Variants in LRP1B observed in about 807,000 individuals in gnomAD.
LRP1B encodes LDL receptor related protein 1B, also known as low-density lipoprotein receptor-related protein 1B.
Under a neutral mutation model 556.6 loss-of-function variants are expected in LRP1B, and 217 were observed. The ratio of observed to expected loss-of-function variants is 0.39; its 90% CI spans 0.35 to 0.44. LRP1B has a LOEUF of 0.44. Ranked by LOEUF, LRP1B falls within the 20% of genes least tolerant of loss-of-function variation. The pLI is 1.00. For missense variants in LRP1B, 5,053 were observed against 5,620.8 expected (o/e 0.90, Z 3.23); for synonymous variants, 2,047 against 1,865.8 (o/e 1.10, Z -2.50).
At chr2:141,853,366 T>C (rs1334772846) in intron 1 of LRP1B, among the ~76,000 whole-genome samples, 3 of 151,720 alleles carry the variant, frequency 2.0e-5, no homozygotes, top group African/African-American at 7.3e-5. Context: ...ATATGTACTT[T>C]AATTGTGAAA....
At chr2:140,967,841 G>A (rs1419922487) in intron 18 of LRP1B, among the ~76,000 whole-genome samples, 1 of 151,856 alleles carries the variant, frequency 6.6e-6, no homozygotes, top group Non-Finnish European at 1.5e-5. Context: ...GCTGGATTAT[G>A]TTTATTGATT....
intron 2 of LRP1B, among the ~76,000 whole-genome samples, chr2:141,739,275 GC>G (rs1693607961): frequency 6.6e-6 from 1 of 152,036 alleles, no homozygotes; most frequent in Non-Finnish European, 1.5e-5. Context: ...GCAGTACAGT[GC>G]TTACTCTACT....
chr2:141,299,540 T>G (rs1256996618), intron 3 of LRP1B, among the ~76,000 whole-genome samples: 2 of 152,224 alleles, frequency 1.3e-5, no homozygotes, highest in African/African-American at 4.8e-5. Flanking sequence ...AGAGCAAAAT[T>G]TCCATTTAGT....
At chr2:140,549,591 A>C (rs1350282042) in intron 43 of LRP1B, among the ~76,000 whole-genome samples, 2 of 152,182 alleles carry the variant, frequency 1.3e-5, no homozygotes, top group Non-Finnish European at 2.9e-5. Flanking sequence ...GAAGGACAGG[A>C]GCAAAGTAAA....
chr2:141,984,575 A>T (rs951959525), intron 1 of LRP1B, among the ~76,000 whole-genome samples: 2 of 152,106 alleles, frequency 1.3e-5, no homozygotes, highest in African/African-American at 4.8e-5. Context: ...CTGTGTCCCT[A>T]TTAGATTTTT....
intron 2 of LRP1B, among the ~76,000 whole-genome samples, chr2:141,760,198 CA>C (rs1694487232): frequency 6.6e-6 from 1 of 151,922 alleles, no homozygotes; most frequent in Admixed American, 6.6e-5. Flanking sequence ...AATTGATAAC[CA>C]AAACTGGAAA....
intron 66 of LRP1B, among the ~76,000 whole-genome samples, chr2:140,411,283 A>C (rs1191907440): frequency 1.3e-5 from 2 of 152,142 alleles, no homozygotes; most frequent in African/African-American, 4.8e-5. Flanking sequence ...GCTTTAGTTA[A>C]CAGTATATTG....
chr2:141,735,255 G>A (rs908241179), intron 2 of LRP1B, among the ~76,000 whole-genome samples: 1 of 151,778 alleles, frequency 6.6e-6, no homozygotes, highest in African/African-American at 2.4e-5. Flanking sequence ...TCAGAAGAAG[G>A]GGTGTGGAAA....
intron 2 of LRP1B, among the ~76,000 whole-genome samples, chr2:141,577,240 A>G (rs943270063): frequency 1.3e-5 from 2 of 152,166 alleles, no homozygotes; most frequent in African/African-American, 4.8e-5. Flanking sequence ...AAAACATCCT[A>G]GAAGAATGAC....
chr2:141,544,315 TCTTCTTCTTCTTC>T (rs1421928023), intron 2 of LRP1B, among the ~76,000 whole-genome samples: 1 of 29,110 alleles, frequency 3.4e-5, no homozygotes, highest in Non-Finnish European at 5.6e-5. Flanking sequence ...TTCTTCTTCT[TCTTCTTCTTCTTC>T]TTCTTCTTCT....
chr2:141,877,217 A>G (rs1698794865), intron 1 of LRP1B, among the ~76,000 whole-genome samples: 1 of 151,912 alleles, frequency 6.6e-6, no homozygotes, highest in Non-Finnish European at 1.5e-5. Context: ...CCTATAAAGA[A>G]TTTCCTGAAC....
rs147874550 is a variant in LRP1B, at chr2:140,660,080, T to C, written c.6799+40170A>G. Among the ~76,000 whole-genome samples, 937 of 152,142 alleles carry C rather than the reference T, an allele frequency of 6.2e-3. 4 individuals are homozygous for C. Among genetic ancestry groups the C allele is most frequent in the Non-Finnish European group, 9.7e-3 (661 of 67,910 alleles). On this transcript the variant is annotated intron_variant, in intron 41 of 90. Coordinates refer to ENST00000389484, the MANE Select transcript of LRP1B (RefSeq NM_018557.3). ...CATGCTTATAGTGTTTTTCAAAAAG[T>C]GTATATTATTAGAAATCCCTTACAA...
intron 1 of LRP1B, among the ~76,000 whole-genome samples, chr2:141,987,033 C>T (rs1295011604): frequency 6.6e-6 from 1 of 151,980 alleles, no homozygotes; most frequent in Admixed American, 6.6e-5. Context: ...TTAATTACTT[C>T]ATGAGTTATA....
chr2:140,750,099 C>T (rs898952575), intron 35 of LRP1B, among the ~76,000 whole-genome samples: 1 of 151,548 alleles, frequency 6.6e-6, no homozygotes, highest in Non-Finnish European at 1.5e-5. Flanking sequence ...CACACACACA[C>T]ACACACACAC....
intron 2 of LRP1B, among the ~76,000 whole-genome samples, chr2:141,759,373 T>C (rs975685548): frequency 6.6e-6 from 1 of 152,126 alleles, no homozygotes; most frequent in African/African-American, 2.4e-5. Flanking sequence ...AGATGTGCTA[T>C]TAGAATGCAG....
At chr2:141,298,588 T>C (rs1032206344) in intron 3 of LRP1B, among the ~76,000 whole-genome samples, 2 of 152,106 alleles carry the variant, frequency 1.3e-5, no homozygotes, top group African/African-American at 4.8e-5. Context: ...AGCTTCTAAT[T>C]TGGAGCCCTC....
chr2:141,796,091 T>C (rs1483932466), intron 2 of LRP1B, among the ~76,000 whole-genome samples: 1 of 151,524 alleles, frequency 6.6e-6, no homozygotes, highest in Non-Finnish European at 1.5e-5. Flanking sequence ...AGAACACATA[T>C]CTAATTTGTT....
At chr2:141,162,325 A>T (rs1364757604) in intron 7 of LRP1B, among the ~76,000 whole-genome samples, 6 of 152,074 alleles carry the variant, frequency 3.9e-5, no homozygotes, top group Non-Finnish European at 1.5e-5. Context: ...CAGAATTTGA[A>T]GGAGGGGTAA....
chr2:140,418,940 ACTT>A (rs369897919), intron 66 of LRP1B, among the ~76,000 whole-genome samples: 1 of 152,116 alleles, frequency 6.6e-6, no homozygotes, highest in Non-Finnish European at 1.5e-5. Flanking sequence ...ATTCTTAGTA[ACTT>A]CTTAACACAG....
Sources: allele counts gnomAD v4.1 joint callset (sites outside exome capture counted in the v4.1 genomes callset), GRCh38; gene constraint gnomAD v4.1.1; transcripts MANE v1.5; gene names NCBI Gene and HGNC (gene_info 2026-07-23, HGNC 2026-07-21).